MALRD1: variants seen among roughly 807,000 people sequenced by gnomAD.
MALRD1 encodes the protein MAM and LDL receptor class A domain containing 1, also known as MAM and LDL-receptor class A domain-containing protein 1.
MALRD1 carries 247 observed loss-of-function variants against 242.1 expected under a neutral mutation model. That is an observed-to-expected ratio of 1.02 (90% confidence interval 0.92 to 1.13). MALRD1 has a LOEUF of 1.13. MALRD1 is among the 50% of genes most tolerant of loss of function. MALRD1 has a pLI of 0.00. For synonymous variants in MALRD1, 995 were observed against 866.6 expected (o/e 1.15, Z -2.60); for missense variants, 2,989 against 2,533.1 (o/e 1.18, Z -3.86).
intron 2 of MALRD1, among the ~76,000 whole-genome samples, chr10:19,083,108 A>G (rs1564379722): frequency 6.6e-6 from 1 of 152,004 alleles, no homozygotes; most frequent in Non-Finnish European, 1.5e-5. Context: ...CACCTCCCAA[A>G]AGTCTCATCT....
chr10:19,167,439 G>A (rs928815207), intron 13 of MALRD1, among the ~76,000 whole-genome samples: 17 of 152,100 alleles, frequency 1.1e-4, no homozygotes, highest in African/African-American at 3.1e-4. Context: ...TGGGGTGTGA[G>A]GATAATAGTT....
chr10:19,212,908 T>G lies in MALRD1; in HGVS notation c.2991+3228T>G, dbSNP rs1355057158. 4.4e-5 allele frequency among the ~76,000 whole-genome samples: 6 copies of G among 137,218 alleles called. No homozygotes were observed. The East Asian group carries it at 1.3e-3, about 30-fold the overall frequency. 90.0% of individuals were successfully genotyped at this position (137,218 alleles called of 152,430 possible). On this transcript the variant is annotated intron_variant, in intron 18 of 39. Coordinates refer to ENST00000454679, the MANE Select transcript of MALRD1 (RefSeq NM_001142308.3). ...ACTTTGAAATGTCTGTTCCAGTCTT[T>G]CACCCAAGTTTTAAATGGGGTTGTT...
At chr10:19,698,952 C>G (rs887897683) in intron 38 of MALRD1, among the ~76,000 whole-genome samples, 17 of 152,054 alleles carry the variant, frequency 1.1e-4, no homozygotes, top group African/African-American at 4.1e-4. Flanking sequence ...AACAGAAAAC[C>G]AAACACCGCA....
chr10:19,385,472 G>A (rs1209889931), intron 26 of MALRD1, among the ~76,000 whole-genome samples: 1 of 151,882 alleles, frequency 6.6e-6, no homozygotes, highest in African/African-American at 2.4e-5. Context: ...GTCTTAGTAG[G>A]CTGTAGGAAT....
intron 32 of MALRD1, among the ~76,000 whole-genome samples, chr10:19,532,369 C>G (rs7084616): frequency 0.7 from 106,035 of 151,686 alleles, 40,442 homozygotes; most frequent in Non-Finnish European, 0.84. Context: ...ATTCTCCTGC[C>G]TCAGCATCCT....
At chr10:19,321,614 T>C (rs191990368) in intron 21 of MALRD1, among the ~76,000 whole-genome samples, 29 of 152,300 alleles carry the variant, frequency 1.9e-4, no homozygotes, top group African/African-American at 7.0e-4. Context: ...ATATTTGTCT[T>C]TTCTTTTTGT....
chr10:19,149,689 A>G (rs1479072285), intron 11 of MALRD1, among the ~76,000 whole-genome samples: 1 of 152,166 alleles, frequency 6.6e-6, no homozygotes, highest in African/African-American at 2.4e-5. Flanking sequence ...TTTTTATGAT[A>G]AAGTATTGGT....
intron 29 of MALRD1, among the ~76,000 whole-genome samples, chr10:19,473,265 C>T (rs1239470654): frequency 6.6e-6 from 1 of 151,458 alleles, no homozygotes; most frequent in African/African-American, 2.4e-5. Context: ...TGGCATACTA[C>T]AGACAACAAG....
chr10:19,316,938 G>T (rs1418024513), intron 21 of MALRD1, among the ~76,000 whole-genome samples: 1 of 151,478 alleles, frequency 6.6e-6, no homozygotes, highest in African/African-American at 2.4e-5. Context: ...GTAACAGAAA[G>T]GATAAATGCT....
chr10:19,188,635 ATGT>A (rs1564453752), intron 14 of MALRD1, among the ~76,000 whole-genome samples: 39 of 152,204 alleles, frequency 2.6e-4, no homozygotes, highest in African/African-American at 8.9e-4. Flanking sequence ...ACCTTGTTTA[ATGT>A]TGTTGATATG....
rs143261746 is a variant in MALRD1, at chr10:19,381,989, C to T, written c.4442-5539C>T. On this transcript the variant is annotated intron_variant, in intron 26 of 39. Transcript: ENST00000454679. Reference sequence around the variant, plus strand: ...AACATTATTTTGACCAATGGTACTACGAAATTTGTATGTGTATATATTCAG... The same window carrying T: ...AACATTATTTTGACCAATGGTACTATGAAATTTGTATGTGTATATATTCAG... Among the ~76,000 whole-genome samples, 982 of 152,076 alleles carry T rather than the reference C, an allele frequency of 6.5e-3. 14 individuals carry two copies. The highest frequency in any genetic ancestry group is 0.022 in the African/African-American group (915 of 41,496).
chr10:19,569,586 A>G (rs191520724), intron 33 of MALRD1, among the ~76,000 whole-genome samples: 27 of 149,928 alleles, frequency 1.8e-4, no homozygotes, highest in Admixed American at 1.7e-3. Flanking sequence ...CATGTCTTCA[A>G]TACCTCTTCT....
At chr10:19,451,644 G>A (rs1162551186) in intron 29 of MALRD1, among the ~76,000 whole-genome samples, 1 of 152,082 alleles carries the variant, frequency 6.6e-6, no homozygotes, top group Non-Finnish European at 1.5e-5. Context: ...TAATTTTATT[G>A]TTGCTCTCAT....
At chr10:19,648,291 A>C (rs1840731756) in intron 36 of MALRD1, among the ~76,000 whole-genome samples, 1 of 152,182 alleles carries the variant, frequency 6.6e-6, no homozygotes, top group South Asian at 2.1e-4. Flanking sequence ...GACACATAAA[A>C]TCTGTGACAA....
intron 21 of MALRD1, among the ~76,000 whole-genome samples, chr10:19,296,136 C>T (rs1278254932): frequency 6.6e-6 from 1 of 152,076 alleles, no homozygotes; most frequent in Admixed American, 6.6e-5. Context: ...AAACAGCCAT[C>T]TATACTAGGC....
At chr10:19,645,506 A>T (rs1421295932) in intron 36 of MALRD1, among the ~76,000 whole-genome samples, 1 of 152,230 alleles carries the variant, frequency 6.6e-6, no homozygotes, top group Non-Finnish European at 1.5e-5. Flanking sequence ...AGACTGGATT[A>T]AGAAAATGTC....
chr10:19,204,473 T>G, intron 16 of MALRD1, 60 bp downstream of exon 16: 1 of 1,167,596 alleles, frequency 8.6e-7, no homozygotes, highest in Admixed American at 2.3e-5. Flanking sequence ...GTGAAGTGTT[T>G]GCAGGCATAC....
intron 31 of MALRD1, among the ~76,000 whole-genome samples, chr10:19,530,416 A>AT: frequency 3.2e-5 from 1 of 31,502 alleles, no homozygotes; most frequent in African/African-American, 1.2e-4. Context: ...TATTTATATA[A>AT]TAATAAATAT....
At chr10:19,530,407 A>AAATATATAATC (rs1834329924) in intron 31 of MALRD1, among the ~76,000 whole-genome samples, 2 of 14,758 alleles carry the variant, frequency 1.4e-4, no homozygotes, top group Non-Finnish European at 3.6e-4. Flanking sequence ...AATATTATAT[A>AAATATATAATC]TTTATATAAT....
Sources: gnomAD v4.1 joint callset for allele counts (sites outside exome capture counted in the v4.1 genomes callset) on GRCh38, gnomAD v4.1.1 for gene constraint, MANE v1.5 for transcripts, NCBI Gene and HGNC (gene_info 2026-07-23, HGNC 2026-07-21) for gene names.